The following HSD17B6 variants were observed in gnomAD, a reference collection of about 807,000 sequenced individuals.
HSD17B6 encodes the protein 17-beta-hydroxysteroid dehydrogenase type 6.
HSD17B6 carries 16 observed loss-of-function variants against 26.4 expected under a neutral mutation model. The ratio of observed to expected loss-of-function variants is 0.61; its 90% CI spans 0.41 to 0.92. HSD17B6 has a LOEUF of 0.92. HSD17B6 is among the 40% of genes least tolerant of loss of function. The probability of loss-of-function intolerance (pLI) is 0.00; values close to 1 mark genes in which losing one functional copy is unlikely to be tolerated. For missense variants in HSD17B6, 357 were observed against 386.1 expected (o/e 0.92, Z 0.63); for synonymous variants, 139 against 153.0 (o/e 0.91, Z 0.68).
At chr12:56,780,944 A>G (rs1954703677) in intron 2 of HSD17B6, among the ~76,000 whole-genome samples, 1 of 152,128 alleles carries the variant, frequency 6.6e-6, no homozygotes, top group African/African-American at 2.4e-5. Context: ...ACAACAATAA[A>G]ATAGACATGT....
chr12:56,780,443 C>G (rs1413158239), intron 2 of HSD17B6, among the ~76,000 whole-genome samples: 3 of 152,194 alleles, frequency 2.0e-5, no homozygotes, highest in Non-Finnish European at 2.9e-5. Context: ...TTATACTGGT[C>G]CAAACAAGCA....
chr12:56,770,869 A>T (rs1427899830), intron 1 of HSD17B6, among the ~76,000 whole-genome samples: 2 of 152,140 alleles, frequency 1.3e-5, no homozygotes, highest in Non-Finnish European at 2.9e-5. Context: ...CTAGTACTGT[A>T]TGTAATCTCT....
chr12:56,773,569 C>T (rs1366851493), intron 1 of HSD17B6, among the ~76,000 whole-genome samples: 1 of 152,226 alleles, frequency 6.6e-6, no homozygotes, highest in Non-Finnish European at 1.5e-5. Flanking sequence ...GTACCAAAAT[C>T]ATTCCTTCTG....
At chr12:56,769,710 T>C (rs1481838751) in intron 1 of HSD17B6, among the ~76,000 whole-genome samples, 1 of 152,176 alleles carries the variant, frequency 6.6e-6, no homozygotes, top group Non-Finnish European at 1.5e-5. Flanking sequence ...TATAAATAAT[T>C]TGAGTCAAAG....
Position 56,782,183 on chromosome 12 carries a change from G to T in HSD17B6, c.523G>T (p.Gly175Cys). 1 of 1,614,198 alleles carries T rather than the reference G, an allele frequency of 6.2e-7. No individual in the cohort carries two copies. Among genetic ancestry groups the T allele is most frequent in the Non-Finnish European group, 8.5e-7 (1 of 1,180,034 alleles). Residue 175 changes from glycine to cysteine, a missense_variant, in exon 3 of 5, where the codon GGC becomes TGC. Coordinates refer to ENST00000322165, the MANE Select transcript of HSD17B6 (RefSeq NM_003725.4). ...GGGAAGAGTTGCTTTCTTTGTAGGA[G>T]GCTACTGTGTCTCCAAGTATGGAGT... ...ILGRVAFFVG[G>C]YCVSKYGVEA...
chr12:56,775,683 AT>A (rs1954576616), intron 2 of HSD17B6, among the ~76,000 whole-genome samples: 2 of 152,068 alleles, frequency 1.3e-5, no homozygotes, highest in Non-Finnish European at 2.9e-5. Flanking sequence ...TGATGAACCA[AT>A]GTTGATATGT....
chr12:56,776,644 TTTTG>T (rs950731795), intron 2 of HSD17B6, among the ~76,000 whole-genome samples: 19 of 152,194 alleles, frequency 1.2e-4, no homozygotes, highest in African/African-American at 4.6e-4. Flanking sequence ...ATTTCTGTTT[TTTTG>T]TTTGTTTGTT....
intron 1 of HSD17B6, among the ~76,000 whole-genome samples, chr12:56,770,734 C>A (rs1689715911): frequency 6.6e-6 from 1 of 152,070 alleles, no homozygotes; most frequent in Non-Finnish European, 1.5e-5. Context: ...GTACAGCAGG[C>A]ATCATGATAA....
rs532911097 is a variant in HSD17B6 at position 56,766,224 on chromosome 12, G to A, written c.-20+2810G>A. On this transcript the variant is annotated intron_variant, in intron 1 of 4. Transcript: ENST00000322165. Reference sequence around the variant, plus strand: ...ATCTCCCTTTGCTGACTCTCTTTTCGGACTCAGCCCGCCTGCACCCAGGTG... The same window carrying A: ...ATCTCCCTTTGCTGACTCTCTTTTCAGACTCAGCCCGCCTGCACCCAGGTG... Among the ~76,000 whole-genome samples, 315 of 151,486 alleles carry A rather than the reference G, an allele frequency of 2.1e-3. 2 individuals carry two copies. Among genetic ancestry groups the A allele is most frequent in the African/African-American group, 7.3e-3 (300 of 41,200 alleles).
Position 56,782,018 on chromosome 12 carries a change from A to G in HSD17B6, c.358A>G (p.Thr120Ala). 4 of 1,614,106 alleles carry G rather than the reference A, an allele frequency of 2.5e-6. No individual in the cohort carries two copies. The highest frequency in any genetic ancestry group is 3.4e-6 in the Non-Finnish European group (4 of 1,179,988). Residue 120 changes from threonine (T) to alanine (A), a missense_variant, in exon 3 of 5, where the codon ACC (threonine) becomes GCC (alanine). Thr to Ala is a moderately conservative substitution (Grantham distance 58). Transcript: ENST00000322165. ...VNNAGILTPI[T>A]LCEWLNTEDS... is the part of the protein sequence containing the mutation. ...CAATGCAGGCATTCTTACACCAATT[A>G]CCTTATGTGAGTGGCTGAACACTGA...
chr12:56,774,266 T>A, intron 2 of HSD17B6, 101 bp downstream of exon 2: 1 of 1,054,772 alleles, frequency 9.5e-7, no homozygotes, highest in Non-Finnish European at 1.3e-6. Flanking sequence ...CAAGGACTGC[T>A]TGTGGATACT....
At chr12:56,776,792 C>T (rs907179559) in intron 2 of HSD17B6, among the ~76,000 whole-genome samples, 1 of 152,184 alleles carries the variant, frequency 6.6e-6, no homozygotes, top group Non-Finnish European at 1.5e-5. Context: ...GCTGGAATTA[C>T]AGGTATGAGC....
intron 2 of HSD17B6, 119 bp downstream of exon 2, chr12:56,774,284 G>A: frequency 4.6e-6 from 4 of 876,356 alleles, no homozygotes; most frequent in East Asian, 2.7e-5. Context: ...ACTAAAATCC[G>A]AGGATGCTCA....
In HSD17B6 at chr12:56,783,949, C is replaced by G. The variant is rs569810200; in HGVS notation, c.573-904C>G. ...GCGGTTGCCAGGCGGAGGGTCTCCT[C>G]ACTTCTCAGACGGGGCAGCCGGGCA... is the stretch of plus-strand genomic sequence containing the variant. On this transcript the variant is annotated intron_variant, in intron 3 of 4. Transcript: ENST00000322165. Among the ~76,000 whole-genome samples, 59 of 151,504 alleles carry G rather than the reference C, an allele frequency of 3.9e-4. 1 individual carries two copies. The East Asian group carries it at 0.011, about 29-fold the overall frequency.
At chr12:56,771,630 T>C (rs956337949) in intron 1 of HSD17B6, among the ~76,000 whole-genome samples, 5 of 152,060 alleles carry the variant, frequency 3.3e-5, no homozygotes, top group Non-Finnish European at 7.4e-5. Context: ...GGCTAATTTT[T>C]GTATTTTTGT....
intron 3 of HSD17B6, 22 bp downstream of exon 3, chr12:56,782,254 A>G: frequency 6.2e-7 from 1 of 1,609,652 alleles, no homozygotes; most frequent in Non-Finnish European, 8.5e-7. Context: ...TAAAACAAAA[A>G]CAGCTATTGA....
At chr12:56,776,477 A>T (rs1012962993) in intron 2 of HSD17B6, among the ~76,000 whole-genome samples, 16 of 149,802 alleles carry the variant, frequency 1.1e-4, no homozygotes, top group Admixed American at 2.7e-4. Context: ...CTAATTAAAA[A>T]TTTTTTTTCT....
chr12:56,783,342 G>A (rs1189570470), intron 3 of HSD17B6, among the ~76,000 whole-genome samples: 5 of 134,846 alleles, frequency 3.7e-5, no homozygotes, highest in African/African-American at 8.3e-5. Context: ...CCTCCCGGAC[G>A]GGGCGGCTGG....
rs982348618 is a variant in HSD17B6 at position 56,764,116 on chromosome 12, A to G, written c.-20+702A>G. Among the ~76,000 whole-genome samples the G allele has an allele frequency of 1.3e-5, 2 of 151,552 alleles. 1 individual carries two copies. Among genetic ancestry groups the G allele is most frequent in the South Asian group, 4.2e-4 (2 of 4,794 alleles). On this transcript the variant is annotated intron_variant, in intron 1 of 4. Coordinates refer to ENST00000322165, the MANE Select transcript of HSD17B6 (RefSeq NM_003725.4). Reference sequence around the variant, plus strand: ...GAAGAAAGAAAAAAAGAAAAAAAAAAGAAAATCAAAAAGAAAAGAAAAAAC... The same window carrying G: ...GAAGAAAGAAAAAAAGAAAAAAAAAGGAAAATCAAAAAGAAAAGAAAAAAC...
Sources: gnomAD v4.1 joint callset for allele counts (sites outside exome capture counted in the v4.1 genomes callset) on GRCh38, gnomAD v4.1.1 for gene constraint, MANE v1.5 for transcripts, NCBI Gene and HGNC (gene_info 2026-07-23, HGNC 2026-07-21) for gene names.